Variants in KIAA0319L observed in about 807,000 individuals in gnomAD.
KIAA0319L encodes the protein dyslexia-associated protein KIAA0319-like protein.
In KIAA0319L, 55 loss-of-function variants were observed where a neutral mutation model predicts 120.1. The ratio of observed to expected loss-of-function variants is 0.46; its 90% CI spans 0.37 to 0.57. KIAA0319L has a LOEUF of 0.57. Ranked by LOEUF, KIAA0319L falls within the 20% of genes least tolerant of loss-of-function variation. The probability of loss-of-function intolerance (pLI) is 0.00; values close to 1 mark genes in which losing one functional copy is unlikely to be tolerated. For synonymous variants in KIAA0319L, 398 were observed against 471.9 expected (o/e 0.84, Z 2.03); for missense variants, 1,049 against 1,255.3 (o/e 0.84, Z 2.48).
chr1:35,441,038 G>C lies in KIAA0319L; in HGVS notation c.2962+9C>G, dbSNP rs753216479. The C allele has an allele frequency of 6.2e-7, 1 of 1,611,694 alleles. No homozygotes were observed. The highest frequency in any genetic ancestry group is 8.5e-7 in the Non-Finnish European group (1 of 1,177,758). The stretch of plus-strand genomic sequence containing the variant: ...CAGACCTAGAAGCTCTGGCACCCAG[G>C]GCCCCTACCTGCTCGGGAGGTTGGC... On this transcript the variant is annotated intron_variant, in intron 20 of 20. Coordinates refer to ENST00000325722, the MANE Select transcript of KIAA0319L (RefSeq NM_024874.5).
intron 6 of KIAA0319L, among the ~76,000 whole-genome samples, chr1:35,469,516 A>G (rs529489355): frequency 1.3e-5 from 2 of 152,112 alleles, no homozygotes; most frequent in African/African-American, 2.4e-5. Flanking sequence ...TTTCCAACTT[A>G]GTCACAACCA....
chr1:35,509,209 C>T (rs1047557029), intron 2 of KIAA0319L, among the ~76,000 whole-genome samples: 1 of 151,920 alleles, frequency 6.6e-6, no homozygotes, highest in South Asian at 2.1e-4. Flanking sequence ...AAACAAAGTA[C>T]CAGAAAGGAG....
At chr1:35,512,904 G>A (rs1257367980) in intron 2 of KIAA0319L, among the ~76,000 whole-genome samples, 2 of 148,340 alleles carry the variant, frequency 1.3e-5, no homozygotes, top group African/African-American at 2.5e-5. Context: ...AATGAAAGAA[G>A]GGATATTACT....
At position 35,453,819 on chromosome 1, in the gene KIAA0319L, A is replaced by G; in HGVS notation, c.1781-130T>C. The stretch of plus-strand genomic sequence containing the variant: ...CCACAGAACTGTCAGATACTGTGGG[A>G]GATGTGGTTACCGTCAGGGAGCACA... On this transcript the variant is annotated intron_variant, in intron 11 of 20. Coordinates refer to ENST00000325722, the MANE Select transcript of KIAA0319L (RefSeq NM_024874.5). This position sits in a 1 kb window ranked among gnomAD's most constrained non-coding sequence, Gnocchi z 4.1. 1 of 843,466 alleles carries G rather than the reference A, an allele frequency of 1.2e-6. No homozygotes were observed. The allele number at this position is 843,466 out of a possible 1,614,324, so 52.2% of individuals were successfully genotyped here. A position where few individuals can be genotyped will look rare whatever the true frequency, so the allele number is the denominator to read the frequency against.
chr1:35,454,034 G>C (rs1642257363), intron 11 of KIAA0319L, among the ~76,000 whole-genome samples: 1 of 152,216 alleles, frequency 6.6e-6, no homozygotes. Context: ...GTGGTATTGG[G>C]TTGGTGCAAA....
intron 3 of KIAA0319L, among the ~76,000 whole-genome samples, chr1:35,504,572 T>C (rs1645141376): frequency 6.6e-6 from 1 of 152,212 alleles, no homozygotes; most frequent in Non-Finnish European, 1.5e-5. Context: ...GTTAATCGAC[T>C]GTTTATCTTA....
intron 3 of KIAA0319L, among the ~76,000 whole-genome samples, chr1:35,481,514 G>C (rs1308970751): frequency 6.6e-6 from 1 of 152,028 alleles, no homozygotes; most frequent in African/African-American, 2.4e-5. Flanking sequence ...TGACTTTCCT[G>C]ATGACTAATA....
chr1:35,513,292 T>A (rs201758409), intron 2 of KIAA0319L, among the ~76,000 whole-genome samples: 2,486 of 108,146 alleles, frequency 0.023, 6 homozygotes, highest in African/African-American at 0.026. Context: ...ATATATATTT[T>A]TTTTTTTTTT....
intron 2 of KIAA0319L, among the ~76,000 whole-genome samples, chr1:35,538,078 G>C (rs920431385): frequency 5.3e-5 from 8 of 152,080 alleles, no homozygotes; most frequent in African/African-American, 1.9e-4. Flanking sequence ...CCCATTCTTT[G>C]TGTTCCCATA....
chr1:35,531,087 G>C (rs1293601254), intron 2 of KIAA0319L, among the ~76,000 whole-genome samples: 1 of 152,194 alleles, frequency 6.6e-6, no homozygotes, highest in Non-Finnish European at 1.5e-5. Flanking sequence ...GGGAGCATAA[G>C]CTTCAGCTTC....
chr1:35,513,124 A>T (rs1294759791), intron 2 of KIAA0319L, among the ~76,000 whole-genome samples: 1 of 150,910 alleles, frequency 6.6e-6, no homozygotes, highest in Admixed American at 6.6e-5. Context: ...CTTAAGAAAA[A>T]GCTTGTCAAC....
intron 3 of KIAA0319L, among the ~76,000 whole-genome samples, chr1:35,498,153 T>A (rs781478275): frequency 9.9e-5 from 15 of 152,046 alleles, no homozygotes; most frequent in Non-Finnish European, 2.2e-4. Context: ...GCCAACGTGA[T>A]GAAACCCTGT....
chr1:35,482,482 T>G (rs950131044), intron 3 of KIAA0319L, among the ~76,000 whole-genome samples: 3 of 149,304 alleles, frequency 2.0e-5, no homozygotes, highest in African/African-American at 7.4e-5. Context: ...CAGGCTGGAG[T>G]GCAATGGCGC....
In KIAA0319L at chr1:35,437,216, A is replaced by G. The variant is rs1640862597; in HGVS notation, c.2963-2135T>C. On this transcript the variant is annotated intron_variant, in intron 20 of 20. Coordinates refer to ENST00000325722, the MANE Select transcript of KIAA0319L (RefSeq NM_024874.5). The surrounding 1 kb of genome is among the most constrained non-coding windows in gnomAD (Gnocchi z 4.1). ...ATGTGCTGAGCTCAGGCTCCCATCCAATCTCACCTCTGCAGCGCGGCACTT... is the reference window on the plus strand; with the variant it reads ...ATGTGCTGAGCTCAGGCTCCCATCCGATCTCACCTCTGCAGCGCGGCACTT... Among the ~76,000 whole-genome samples, 1 of 152,052 alleles carries G rather than the reference A, an allele frequency of 6.6e-6. No individual in the cohort carries two copies. Among genetic ancestry groups the G allele is most frequent in the Non-Finnish European group, 1.5e-5 (1 of 67,994 alleles).
intron 2 of KIAA0319L, among the ~76,000 whole-genome samples, chr1:35,509,379 T>A (rs1459479689): frequency 6.6e-6 from 1 of 152,228 alleles, no homozygotes; most frequent in Non-Finnish European, 1.5e-5. Context: ...ATGTGTGGGA[T>A]ACAGTTAAAG....
chr1:35,508,806 T>C lies in KIAA0319L; in HGVS notation c.143-1671A>G, dbSNP rs544545161. ...CTTTATATCAATTTTCCTTCATTCTTCTCATAACTATTTTCTCATACTTAA... is the reference window on the plus strand; with the variant it reads ...CTTTATATCAATTTTCCTTCATTCTCCTCATAACTATTTTCTCATACTTAA... On this transcript the variant is annotated intron_variant, in intron 2 of 20. Coordinates refer to ENST00000325722, the MANE Select transcript of KIAA0319L (RefSeq NM_024874.5). Among the ~76,000 whole-genome samples, 4 of 152,276 alleles carry C rather than the reference T, an allele frequency of 2.6e-5. No individual in the cohort carries two copies. In the South Asian group the frequency reaches 8.3e-4, roughly 32 times the overall value.
chr1:35,513,267 C>CATATATATATATATATAT (rs1189085625), intron 2 of KIAA0319L, among the ~76,000 whole-genome samples: 2 of 107,450 alleles, frequency 1.9e-5, no homozygotes, highest in East Asian at 2.8e-4. Context: ...ATCTATATAA[C>CATATATATATATATATAT]ATATATATAT....
intron 2 of KIAA0319L, among the ~76,000 whole-genome samples, chr1:35,536,945 G>A (rs1449712399): frequency 9.2e-5 from 14 of 151,844 alleles, no homozygotes; most frequent in Admixed American, 8.5e-4. Context: ...CTCCTGCTTC[G>A]CTTTTTCTCC....
chr1:35,435,044 C>A lies in KIAA0319L; in HGVS notation c.3000G>T (p.Leu1000=), dbSNP rs1367025688. Residue 1000 remains leucine, a synonymous_variant, in exon 21 of 21, where the codon CTG becomes CTT. Transcript: ENST00000325722. ...TGTCCAGCTCTGACTCGGAGTGCAT[C>A]AGGCTGCTACTTAGCAAAAGGCCTT... ...KQKGLLLSSS[L]MHSESELDSD... 1 of 1,614,176 alleles carries A rather than the reference C, an allele frequency of 6.2e-7. No individual in the cohort carries two copies. Among genetic ancestry groups the A allele is most frequent in the South Asian group, 1.1e-5 (1 of 91,084 alleles).
Sources: gnomAD v4.1 joint callset for allele counts (sites outside exome capture counted in the v4.1 genomes callset) on GRCh38, gnomAD v4.1.1 for gene constraint, Gnocchi (gnomAD v3.1) non-coding constraint, MANE v1.5 for transcripts, NCBI Gene and HGNC (gene_info 2026-07-23, HGNC 2026-07-21) for gene names.